The following PRR33 variants were observed in gnomAD, a reference collection of about 807,000 sequenced individuals.
PRR33 encodes the protein proline-rich protein 33.
A neutral mutation model predicts 0.5 loss-of-function variants in PRR33; 1 was observed. The observed-to-expected ratio is 2.18, with a 90% CI of 0.77 to 10.34. PRR33 has a LOEUF of 10.34. PRR33 is among the 30% of genes most tolerant of loss of function. The pLI, the probability that PRR33 is intolerant of heterozygous loss-of-function variation, is 0.13. For synonymous variants in PRR33, 226 were observed against 110.0 expected, an observed-to-expected ratio of 2.06 and a Z score of -6.60; for missense variants, 552 against 251.8, an observed-to-expected ratio of 2.19 and a Z score of -8.07.
the PRR33 span, among the ~76,000 whole-genome samples, chr11:1,913,309 T>TG: frequency 2.9e-5 from 1 of 34,582 alleles, no homozygotes; most frequent in African/African-American, 5.7e-5. Flanking sequence ...TTGTTTTTTT[T>TG]TTTTTGTTTT....
At chr11:1,915,677 T>G in the PRR33 span, among the ~76,000 whole-genome samples, 15 of 988 alleles carry the variant, frequency 0.015, no homozygotes, top group South Asian at 0.036. Context: ...TTTGGGGGGG[T>G]GATGTTTCTG....
the PRR33 span, among the ~76,000 whole-genome samples, chr11:1,899,376 T>A: frequency 1.3e-5 from 2 of 152,216 alleles, no homozygotes; most frequent in Non-Finnish European, 2.9e-5. Context: ...CTTTCTGTGA[T>A]ACTCTCAGAA....
At chr11:1,896,313 C>T (rs144077650), upstream of PRR33, among the ~76,000 whole-genome samples, 117 of 152,344 alleles carry the variant, frequency 7.7e-4, no homozygotes, top group African/African-American at 2.6e-3. Context: ...TTCAGGTCTT[C>T]TTCCACTTCT....
chr11:1,909,816 C>T, the PRR33 span, among the ~76,000 whole-genome samples: 1 of 152,138 alleles, frequency 6.6e-6, no homozygotes, highest in Non-Finnish European at 1.5e-5. Context: ...AGAAATACAA[C>T]GTGATGGCTT....
At chr11:1,914,992 TGGG>T in the PRR33 span, among the ~76,000 whole-genome samples, 1 of 149,772 alleles carries the variant, frequency 6.7e-6, no homozygotes, top group African/African-American at 2.5e-5. Flanking sequence ...TGTACAAACC[TGGG>T]GATGATATTT....
chr11:1,911,480 C>T, the PRR33 span, among the ~76,000 whole-genome samples: 26 of 152,106 alleles, frequency 1.7e-4, 1 homozygote, highest in Admixed American at 9.2e-4. Flanking sequence ...ATAAGTGGCA[C>T]GATCTCAGCT....
At chr11:1,890,286 C>T (rs565685871) in exon 1 of PRR33, 22 of 710,958 alleles carry the variant, frequency 3.1e-5, no homozygotes, top group African/African-American at 2.5e-4. Context: ...CTCGGCGGGG[C>T]GTGGGGCTTC....
chr11:1,894,609 C>T (rs968342108), upstream of PRR33, among the ~76,000 whole-genome samples: 3 of 152,140 alleles, frequency 2.0e-5, no homozygotes, highest in East Asian at 3.8e-4. Flanking sequence ...ACTTCTGTCA[C>T]GTAGCATAAC....
the PRR33 span, among the ~76,000 whole-genome samples, chr11:1,915,000 A>G: frequency 3.6e-5 from 5 of 140,034 alleles, no homozygotes; most frequent in East Asian, 1.1e-3. Flanking sequence ...CCTGGGGATG[A>G]TATTTCTCTG....
chr11:1,890,145 C>G, exon 1 of PRR33: 1 of 717,114 alleles, frequency 1.4e-6, no homozygotes, highest in Admixed American at 2.0e-5. Context: ...CCCCATGGCC[C>G]TGAATTGAGC....
At chr11:1,907,310 T>A in the PRR33 span, among the ~76,000 whole-genome samples, 1 of 152,196 alleles carries the variant, frequency 6.6e-6, no homozygotes, top group Non-Finnish European at 1.5e-5. Flanking sequence ...AGTGGTGAAA[T>A]GGGCTGAGCT....
At chr11:1,903,203 C>T in the PRR33 span, 3 of 152,178 alleles carry the variant, frequency 2.0e-5, no homozygotes, top group Non-Finnish European at 4.4e-5. Flanking sequence ...GTTCACACGC[C>T]TCAGACACAG....
chr11:1,909,583 C>T, the PRR33 span, among the ~76,000 whole-genome samples: 1 of 152,136 alleles, frequency 6.6e-6, no homozygotes, highest in South Asian at 2.1e-4. Flanking sequence ...CACTCCAGCT[C>T]GGCGACAGAA....
the PRR33 span, among the ~76,000 whole-genome samples, chr11:1,910,684 C>T: frequency 2.0e-5 from 3 of 152,354 alleles, no homozygotes; most frequent in Non-Finnish European, 2.9e-5. Context: ...TCTCAATCAA[C>T]GATCCCATCA....
At chr11:1,905,993 T>A in the PRR33 span, among the ~76,000 whole-genome samples, 2 of 150,926 alleles carry the variant, frequency 1.3e-5, no homozygotes, top group African/African-American at 4.9e-5. Flanking sequence ...TAAAGTATTT[T>A]TTTTTTTTTT....
the PRR33 span, among the ~76,000 whole-genome samples, chr11:1,897,269 C>T: frequency 2.6e-5 from 4 of 152,216 alleles, no homozygotes; most frequent in Non-Finnish European, 2.9e-5. This position sits in a 1 kb window ranked among gnomAD's most constrained non-coding sequence, Gnocchi z 4.0. Flanking sequence ...CTTAATTTAA[C>T]GATTTCCCCC....
chr11:1,890,544 C>G, exon 1 of PRR33: 1 of 713,988 alleles, frequency 1.4e-6, no homozygotes, highest in Non-Finnish European at 2.6e-6. Flanking sequence ...GAGGCTTGGG[C>G]CGCACACCTC....
At chr11:1,899,004 T>A in the PRR33 span, among the ~76,000 whole-genome samples, 11 of 151,972 alleles carry the variant, frequency 7.2e-5, no homozygotes, top group African/African-American at 2.7e-4. Context: ...TGGAGTGAGC[T>A]AATTTTTTTT....
the PRR33 span, chr11:1,902,518 T>A: frequency 6.6e-6 from 1 of 152,190 alleles, no homozygotes; most frequent in Non-Finnish European, 1.5e-5. Flanking sequence ...TATCAATTGG[T>A]CACTTAAGCT....
Sources: gnomAD v4.1 joint callset for allele counts (sites outside exome capture counted in the v4.1 genomes callset) on GRCh38, gnomAD v4.1.1 for gene constraint, Gnocchi (gnomAD v3.1) non-coding constraint, MANE v1.5 for transcripts, NCBI Gene and HGNC (gene_info 2026-07-23, HGNC 2026-07-21) for gene names.